The following DACT3 variants were observed in gnomAD, a reference collection of about 807,000 sequenced individuals.
DACT3 encodes dapper homolog 3.
A neutral mutation model predicts 19.6 loss-of-function variants in DACT3; 5 were observed. That is an observed-to-expected ratio of 0.26 (90% CI 0.13 to 0.54). DACT3 has a LOEUF of 0.54. Among genes scored for constraint, DACT3 ranks in the 20% least tolerant of loss-of-function variants. The pLI is 0.95. For missense variants in DACT3, 908 were observed against 927.4 expected, an observed-to-expected ratio of 0.98 and a Z score of 0.27; for synonymous variants, 454 against 428.1, an observed-to-expected ratio of 1.06 and a Z score of -0.75.
At chr19:46,658,527 G>GCCT (rs779430787) in intron 1 of DACT3, among the ~76,000 whole-genome samples, 21 of 152,194 alleles carry the variant, frequency 1.4e-4, no homozygotes, top group Non-Finnish European at 2.6e-4. Context: ...GACAGGAGAT[G>GCCT]CCTCCTCCTC....
Position 46,649,516 on chromosome 19 carries a change from G to T in DACT3, c.856C>A (p.Arg286Ser), listed in dbSNP as rs528739876. ...DGGPRRQNSV[R>S]QRPPDASPSP... ...GGAGACGCGTCGGGCGGCCGCTGGC[G>T]CACGCTGTTCTGGCGCCGCGGGCCG... Residue 286 changes from arginine to serine, a missense_variant, in exon 4 of 4, where the codon CGC (arginine) becomes AGC (serine). Arg to Ser is a moderately radical substitution (Grantham distance 110, BLOSUM62 -1). Coordinates refer to ENST00000391916, the MANE Select transcript of DACT3 (RefSeq NM_145056.3). The T allele has an allele frequency of 7.4e-6, 8 of 1,085,222 alleles. No homozygotes were observed. The highest frequency in any genetic ancestry group is 8.9e-6 in the Non-Finnish European group (8 of 896,520). The allele number at this position is 1,085,222 out of a possible 1,614,324, so 67.2% of individuals were successfully genotyped here.
At chr19:46,657,749 TA>T (rs1464059923) in intron 1 of DACT3, among the ~76,000 whole-genome samples, 1 of 152,012 alleles carries the variant, frequency 6.6e-6, no homozygotes, top group Non-Finnish European at 1.5e-5. Context: ...TTCCATTGTT[TA>T]ATTAAAAATA....
intron 1 of DACT3, chr19:46,654,418 A>G: frequency 1.5e-6 from 1 of 647,272 alleles, no homozygotes; most frequent in Non-Finnish European, 1.9e-6. Flanking sequence ...CCCAGGAGGC[A>G]GAGGTTGCAG....
intron 3 of DACT3, 21 bp from the exon 4 acceptor site, chr19:46,649,893 A>C (rs2052965659): frequency 8.0e-7 from 1 of 1,248,230 alleles, no homozygotes; most frequent in African/African-American, 1.6e-5. Flanking sequence ...AAGGCCAAAA[A>C]AAAAAAAAAA....
Position 46,649,178 on chromosome 19 carries a change from C to T in DACT3, c.1194G>A (p.Arg398=). The T allele has an allele frequency of 8.2e-7, 1 of 1,214,580 alleles. No homozygotes were observed. Among genetic ancestry groups the T allele is most frequent in the Non-Finnish European group, 1.0e-6 (1 of 977,354 alleles). 75.2% of individuals were successfully genotyped at this position (1,214,580 alleles called of 1,614,324 possible). A position where few individuals can be genotyped will look rare whatever the true frequency, so the allele number is the denominator to read the frequency against. ...VEQSPPRERP[R]AAGRRGRMAE... is the part of the protein sequence containing the mutation. The stretch of plus-strand genomic sequence containing the variant: ...CCATGCGTCCACGGCGGCCGGCGGC[C>T]CGGGGACGCTCCCGGGGTGGTGACT... Residue 398 remains arginine, a synonymous_variant, in exon 4 of 4, where the codon CGG becomes CGA. Coordinates refer to ENST00000391916, the MANE Select transcript of DACT3 (RefSeq NM_145056.3).
Position 46,649,000 on chromosome 19 carries a change from G to A in DACT3, c.1372C>T (p.Arg458Cys), listed in dbSNP as rs2052949429. 1.6e-6 allele frequency: 2 copies of A among 1,269,278 alleles called. No individual in the cohort carries two copies. The highest frequency in any genetic ancestry group is 2.0e-6 in the Non-Finnish European group (2 of 1,009,528). 78.6% of individuals were successfully genotyped at this position (1,269,278 alleles called of 1,614,324 possible). Residue 458 changes from arginine (R) to cysteine (C), a missense_variant, in exon 4 of 4, where the codon CGC becomes TGC. By Grantham distance (180) the Arg-to-Cys change is radical. Around this residue, in one of 2 missense-constraint regions of DACT3, gnomAD observed 656 missense variants for 601.8 expected, o/e 1.09. Coordinates refer to ENST00000391916, the MANE Select transcript of DACT3 (RefSeq NM_145056.3). This position sits in a 1 kb window ranked among gnomAD's most constrained non-coding sequence, Gnocchi z 5.1. Reference sequence around the variant, plus strand: ...GCCAGCGTGGGCGCTGGGCCGCGGCGTGGCCGTGGAGGCCGAGGCTCTTCC... The same window carrying A: ...GCCAGCGTGGGCGCTGGGCCGCGGCATGGCCGTGGAGGCCGAGGCTCTTCC... ...EREEPRPPRP[R>C]RGPAPTLAAQ...
chr19:46,655,925 C>CTCTCTCTCTCTCTA (rs980735397), intron 1 of DACT3, among the ~76,000 whole-genome samples: 20 of 137,896 alleles, frequency 1.5e-4, no homozygotes, highest in Non-Finnish European at 1.9e-4. Flanking sequence ...CTCTCTCTCT[C>CTCTCTCTCTCTCTA]TATATATATA....
chr19:46,659,249 G>A (rs1223084236), intron 1 of DACT3: 2 of 985,038 alleles, frequency 2.0e-6, no homozygotes, highest in Admixed American at 6.2e-5. Flanking sequence ...GGGGTGGGGG[G>A]ACAGGCCTCT....
chr19:46,659,042 G>A (rs2053053329), intron 1 of DACT3: 2 of 968,364 alleles, frequency 2.1e-6, no homozygotes, highest in Non-Finnish European at 2.5e-6. Context: ...TGTATTCCTG[G>A]CAGGGGCTGG....
At chr19:46,654,802 C>T (rs900561493) in intron 1 of DACT3, 8 of 985,452 alleles carry the variant, frequency 8.1e-6, no homozygotes, top group Middle Eastern at 5.1e-4. Context: ...AAAGACTGGC[C>T]GGCTCCCCGG....
Position 46,648,840 on chromosome 19 carries a change from C to A in DACT3, c.1532G>T (p.Arg511Leu). 1.3e-6 allele frequency: 2 copies of A among 1,481,926 alleles called. No homozygotes were observed. The highest frequency in any genetic ancestry group is 1.8e-6 in the Non-Finnish European group (2 of 1,125,648). 91.8% of individuals were successfully genotyped at this position (1,481,926 alleles called of 1,614,324 possible). A position where few individuals can be genotyped will look rare whatever the true frequency, so the allele number is the denominator to read the frequency against. The change falls in exon 4 of 4, where the codon CGT becomes CTT. Residue 511 changes from arginine (R) to leucine (L), a missense_variant. By Grantham distance (102) the Arg-to-Leu change is moderately radical. Around this residue, in one of 2 missense-constraint regions of DACT3, gnomAD observed 656 missense variants for 601.8 expected, o/e 1.09. Transcript: ENST00000391916. The surrounding 1 kb of genome is among the most constrained non-coding windows in gnomAD (Gnocchi z 5.1). ...GPGPSPSAPQ[R>L]RLLYGCAGSD... ...GCCCGCGCAGCCGTAAAGCAGACGA[C>A]GCTGGGGAGCTGACGGGGACGGGCC...
At chr19:46,656,113 T>G (rs1418923396) in intron 1 of DACT3, among the ~76,000 whole-genome samples, 3 of 150,476 alleles carry the variant, frequency 2.0e-5, no homozygotes, top group Admixed American at 1.3e-4. Context: ...CAGGCTGGAG[T>G]GCAGTGGTGC....
intron 3 of DACT3, chr19:46,650,408 C>T (rs2052972495): frequency 6.6e-6 from 1 of 151,702 alleles, no homozygotes; most frequent in Admixed American, 6.6e-5. Context: ...AGGTGTGAGC[C>T]ACTGCGCCTG....
At position 46,649,886 on chromosome 19, in the gene DACT3, G is replaced by A. The variant is rs1599787905; in HGVS notation, c.500-14C>T. ...GACTGGCGTCTCCTAGGGAAGGAAGGCCAAAAAAAAAAAAAAAAGAGAGAG... is the reference window on the plus strand; with the variant it reads ...GACTGGCGTCTCCTAGGGAAGGAAGACCAAAAAAAAAAAAAAAAGAGAGAG... On this transcript the variant is annotated splice_polypyrimidine_tract_variant and intron_variant, in intron 3 of 3. Transcript: ENST00000391916. 7.8e-7 allele frequency: 1 copy of A among 1,280,028 alleles called. No individual in the cohort carries two copies. The highest frequency in any genetic ancestry group is 9.7e-7 in the Non-Finnish European group (1 of 1,033,800). The allele number at this position is 1,280,028 out of a possible 1,614,324, so 79.3% of individuals were successfully genotyped here.
chr19:46,648,899 C>A lies in DACT3; in HGVS notation c.1473G>T (p.Arg491=), dbSNP rs1780966407. ...EIDAADGRRV[R]PRAPAARVPG... Reference sequence around the variant, plus strand: ...GAACACGCGCCGCAGGGGCTCGGGGCCGCACGCGGCGCCCATCGGCAGCGT... The same window carrying A: ...GAACACGCGCCGCAGGGGCTCGGGGACGCACGCGGCGCCCATCGGCAGCGT... Residue 491 remains arginine, a synonymous_variant, in exon 4 of 4, where the codon CGG becomes CGT. Transcript: ENST00000391916. The surrounding 1 kb of genome is among the most constrained non-coding windows in gnomAD (Gnocchi z 5.1). The A allele has an allele frequency of 7.3e-7, 1 of 1,368,864 alleles. No homozygotes were observed. Among genetic ancestry groups the A allele is most frequent in the South Asian group, 1.7e-5 (1 of 58,468 alleles). The allele number at this position is 1,368,864 out of a possible 1,614,324, so 84.8% of individuals were successfully genotyped here.
chr19:46,655,960 T>C (rs570797972), intron 1 of DACT3, among the ~76,000 whole-genome samples: 25 of 150,130 alleles, frequency 1.7e-4, no homozygotes, highest in South Asian at 1.3e-3. Flanking sequence ...CAAACACACA[T>C]ATATATATAC....
At position 46,649,738 on chromosome 19, in the gene DACT3, C is replaced by T; in HGVS notation, c.634G>A (p.Ala212Thr). ...GGGCTGGGCGTCAGAAAGGGCCCGG[C>T]GCGGGCCCGCCGCTCCGCCGAGGAG... The part of the protein sequence containing the change: ...ACSSAERRAR[A>T]GPFLTPSPLH... Residue 212 changes from alanine to threonine, a missense_variant, in exon 4 of 4, where the codon GCC becomes ACC. Ala to Thr is a moderately conservative substitution (Grantham distance 58). This residue lies in a region of DACT3 where 252 missense variants were observed against 325.6 expected (regional missense o/e 0.77). Coordinates refer to ENST00000391916, the MANE Select transcript of DACT3 (RefSeq NM_145056.3). 1.6e-6 allele frequency: 2 copies of T among 1,266,624 alleles called. No individual in the cohort carries two copies. Among genetic ancestry groups the T allele is most frequent in the Non-Finnish European group, 2.0e-6 (2 of 1,006,824 alleles). The allele number at this position is 1,266,624 out of a possible 1,614,324, so 78.5% of individuals were successfully genotyped here. A position where few individuals can be genotyped will look rare whatever the true frequency, so the allele number is the denominator to read the frequency against.
intron 1 of DACT3, among the ~76,000 whole-genome samples, chr19:46,655,925 C>CTCTCTATA (rs980735397): frequency 9.6e-4 from 132 of 137,932 alleles, no homozygotes; most frequent in African/African-American, 3.0e-3. Context: ...CTCTCTCTCT[C>CTCTCTATA]TATATATATA....
At position 46,648,683 on chromosome 19, in the gene DACT3, G is replaced by A. The variant is rs376803014; in HGVS notation, c.1689C>T (p.Ala563=). 8.7e-6 allele frequency: 14 copies of A among 1,611,398 alleles called. No individual in the cohort carries two copies. Among genetic ancestry groups the A allele is most frequent in the Non-Finnish European group, 1.2e-5 (14 of 1,179,352 alleles). ...CACCGCTGCCGTCTGAGTCGCTGGA[G>A]GCAGAGCTGAAGGCAGGCGATTCTC... The part of the protein sequence containing the change: ...SEGESPAFSS[A]SSDSDGSGGL... The change falls in exon 4 of 4, where the codon GCC becomes GCT. Residue 563 remains alanine (A), a synonymous_variant. Coordinates refer to ENST00000391916, the MANE Select transcript of DACT3 (RefSeq NM_145056.3). The surrounding 1 kb of genome is among the most constrained non-coding windows in gnomAD (Gnocchi z 5.1).
Sources: allele counts gnomAD v4.1 joint callset (sites outside exome capture counted in the v4.1 genomes callset), GRCh38; gene constraint gnomAD v4.1.1; regional missense constraint gnomAD v4.1.1; non-coding constraint Gnocchi (gnomAD v3.1); transcripts MANE v1.5; gene names NCBI Gene and HGNC (gene_info 2026-07-23, HGNC 2026-07-21).